The following PDE4B variants were observed in gnomAD, a reference collection of about 807,000 sequenced individuals.
PDE4B encodes the protein phosphodiesterase 4B, also known as 3',5'-cyclic-AMP phosphodiesterase 4B.
Under a neutral mutation model 82.2 loss-of-function variants are expected in PDE4B, and 20 were observed. The ratio of observed to expected loss-of-function variants is 0.24; its 90% CI spans 0.17 to 0.35. The LOEUF (loss-of-function observed/expected upper bound fraction) is 0.35. Ranked by LOEUF, PDE4B falls within the 10% of genes least tolerant of loss-of-function variation. The pLI is 1.00. For synonymous variants in PDE4B, 320 were observed against 318.9 expected (o/e 1.00, Z -0.04); for missense variants, 655 against 907.2 (o/e 0.72, Z 3.57).
At chr1:66,195,825 C>T (rs1444351734) in intron 3 of PDE4B, among the ~76,000 whole-genome samples, 1 of 151,998 alleles carries the variant, frequency 6.6e-6, no homozygotes, top group African/African-American at 2.4e-5. Flanking sequence ...TATATGAGAC[C>T]CCTGCAAGAA....
rs60564108 is a variant in PDE4B, at chr1:66,250,721, A to G, written c.476+3067A>G. On this transcript the variant is annotated intron_variant, in intron 4 of 16. Coordinates refer to ENST00000341517, the MANE Select transcript of PDE4B (RefSeq NM_002600.4). The stretch of plus-strand genomic sequence containing the variant: ...CGTATACTGAGGTACAGATTGCCTC[A>G]TGGGAACATAAAGTACTGGAAACTA... Among the ~76,000 whole-genome samples the G allele has an allele frequency of 7.8e-3, 1,184 of 152,342 alleles. 13 individuals carry two copies. The highest frequency in any genetic ancestry group is 0.027 in the African/African-American group (1,120 of 41,566).
intron 7 of PDE4B, among the ~76,000 whole-genome samples, chr1:66,321,143 C>T (rs1248912740): frequency 1.3e-5 from 2 of 152,166 alleles, no homozygotes; most frequent in African/African-American, 4.8e-5. Flanking sequence ...ACATAAAAAG[C>T]TTTTTATAAA....
chr1:66,186,761 C>G (rs1647231011), intron 3 of PDE4B, among the ~76,000 whole-genome samples: 1 of 152,170 alleles, frequency 6.6e-6, no homozygotes, highest in African/African-American at 2.4e-5. Context: ...TCTAGATATA[C>G]AATCATCTCA....
chr1:66,087,879 GA>G (rs1200523142), intron 3 of PDE4B, among the ~76,000 whole-genome samples: 3 of 97,658 alleles, frequency 3.1e-5, no homozygotes, highest in Non-Finnish European at 5.8e-5. Flanking sequence ...GGGGTGGGGG[GA>G]GGGGGGAGGG....
At chr1:66,113,146 TA>T (rs1199397689) in intron 3 of PDE4B, among the ~76,000 whole-genome samples, 3 of 152,220 alleles carry the variant, frequency 2.0e-5, no homozygotes, top group Admixed American at 2.0e-4. Flanking sequence ...TTTACCCAAC[TA>T]GAACATTTTG....
chr1:65,818,242 C>T (rs1368701810), intron 1 of PDE4B, among the ~76,000 whole-genome samples: 2 of 152,184 alleles, frequency 1.3e-5, no homozygotes, highest in East Asian at 3.8e-4. Context: ...GCACTCTAAG[C>T]TTTTCCTGCT....
At chr1:65,897,187 CCA>C (rs534238261) in intron 1 of PDE4B, among the ~76,000 whole-genome samples, 231 of 152,160 alleles carry the variant, frequency 1.5e-3, no homozygotes, top group African/African-American at 5.2e-3. Flanking sequence ...GCTGAATGTT[CCA>C]CAGTTACTAT....
At position 66,372,465 on chromosome 1, in the gene PDE4B, G is replaced by A; in HGVS notation, c.1998G>A (p.Glu666=). 1 of 1,614,144 alleles carries A rather than the reference G, an allele frequency of 6.2e-7. No homozygotes were observed. Among genetic ancestry groups the A allele is most frequent in the African/African-American group, 1.3e-5 (1 of 75,064 alleles). The change falls in exon 17 of 17, where the codon GAG becomes GAA. Residue 666 remains glutamate (E), a synonymous_variant. Transcript: ENST00000341517. ...AAAGTCCCTCACCACCACTGGACGA[G>A]CAGAACAGGGACTGCCAGGGTCTGA... ...IPQSPSPPLD[E]QNRDCQGLME... is the part of the protein sequence containing the mutation.
chr1:66,360,331 C>T (rs976172937), intron 9 of PDE4B: 2 of 152,038 alleles, frequency 1.3e-5, no homozygotes, highest in African/African-American at 4.8e-5. Context: ...ACCACGAAGC[C>T]AGTACTGTCT....
At chr1:65,814,901 A>G (rs1645862866) in intron 1 of PDE4B, among the ~76,000 whole-genome samples, 1 of 151,930 alleles carries the variant, frequency 6.6e-6, no homozygotes, top group Non-Finnish European at 1.5e-5. Context: ...ATTTGTCTTG[A>G]GTAAATACCT....
chr1:66,340,796 A>C (rs974201852), intron 8 of PDE4B, among the ~76,000 whole-genome samples: 1 of 152,108 alleles, frequency 6.6e-6, no homozygotes, highest in African/African-American at 2.4e-5. Flanking sequence ...TGATATCTAA[A>C]AAGATAGATT....
At chr1:66,157,314 G>A (rs916481103) in intron 3 of PDE4B, among the ~76,000 whole-genome samples, 1 of 152,132 alleles carries the variant, frequency 6.6e-6, no homozygotes, top group Non-Finnish European at 1.5e-5. Flanking sequence ...TAGACTTCTG[G>A]AACAGCTTTT....
intron 3 of PDE4B, among the ~76,000 whole-genome samples, chr1:66,225,178 C>T (rs1462013143): frequency 1.3e-5 from 2 of 152,188 alleles, no homozygotes; most frequent in African/African-American, 4.8e-5. Context: ...GCTCTGCAAC[C>T]TCCTCCAGTT....
At chr1:66,345,119 G>T (rs777560873) in intron 8 of PDE4B, among the ~76,000 whole-genome samples, 2 of 152,132 alleles carry the variant, frequency 1.3e-5, no homozygotes, top group African/African-American at 2.4e-5. Flanking sequence ...TTTCAGATAT[G>T]AAACTGAGAT....
intron 4 of PDE4B, among the ~76,000 whole-genome samples, chr1:66,252,669 G>A (rs1448617469): frequency 1.3e-5 from 2 of 152,206 alleles, no homozygotes; most frequent in Non-Finnish European, 2.9e-5. Context: ...ATTGTAAATT[G>A]GGCAGGGCGT....
chr1:65,794,039 TTATATA>T (rs749781512), intron 1 of PDE4B, among the ~76,000 whole-genome samples: 4 of 150,440 alleles, frequency 2.7e-5, no homozygotes, highest in African/African-American at 1.0e-4. Flanking sequence ...ATTACAGTAG[TTATATA>T]TGTGTGTGTG....
chr1:66,054,720 C>A (rs936109032), intron 3 of PDE4B, among the ~76,000 whole-genome samples: 1 of 152,146 alleles, frequency 6.6e-6, no homozygotes, highest in Admixed American at 6.5e-5. Flanking sequence ...CTCATGTGTA[C>A]CCTACTTCAA....
intron 3 of PDE4B, among the ~76,000 whole-genome samples, chr1:66,092,829 C>T (rs903640225): frequency 2.6e-5 from 4 of 151,768 alleles, no homozygotes; most frequent in African/African-American, 7.3e-5. Flanking sequence ...TTTAGAGGAG[C>T]CCAAAGAAGC....
intron 6 of PDE4B, among the ~76,000 whole-genome samples, chr1:66,261,199 G>T (rs537727702): frequency 4.3e-4 from 65 of 152,252 alleles, no homozygotes; most frequent in African/African-American, 1.5e-3. Flanking sequence ...TCTGGCAGGG[G>T]CAGGCTGGAA....
Sources: gnomAD v4.1 joint callset for allele counts (sites outside exome capture counted in the v4.1 genomes callset) on GRCh38, gnomAD v4.1.1 for gene constraint, MANE v1.5 for transcripts, NCBI Gene and HGNC (gene_info 2026-07-23, HGNC 2026-07-21) for gene names.